PPP3CA: variants seen among roughly 807,000 people sequenced by gnomAD.
PPP3CA encodes protein phosphatase 3 catalytic subunit alpha.
In PPP3CA, 14 loss-of-function variants were observed where a neutral mutation model predicts 66.5. That is an observed-to-expected ratio of 0.21 (90% CI 0.14 to 0.33). The LOEUF is 0.33. PPP3CA is among the 10% of genes least tolerant of loss of function. The pLI is 1.00. For synonymous variants in PPP3CA, 232 were observed against 226.2 expected (o/e 1.03, Z -0.23); for missense variants, 317 against 639.5 (o/e 0.50, Z 5.44).
intron 1 of PPP3CA, among the ~76,000 whole-genome samples, chr4:101,306,226 A>G (rs1728531798): frequency 6.6e-6 from 1 of 152,124 alleles, no homozygotes; most frequent in African/African-American, 2.4e-5. Context: ...ATATGGGGGC[A>G]GCTAATTAGA....
intron 2 of PPP3CA, among the ~76,000 whole-genome samples, chr4:101,123,688 C>T (rs757099701): frequency 6.6e-6 from 1 of 152,008 alleles, no homozygotes; most frequent in East Asian, 1.9e-4. Flanking sequence ...AAAAAACCCC[C>T]CAAAAGATTA....
At chr4:101,115,087 A>G (rs905746127) in intron 2 of PPP3CA, among the ~76,000 whole-genome samples, 4 of 151,994 alleles carry the variant, frequency 2.6e-5, no homozygotes, top group African/African-American at 4.8e-5. Context: ...TTTACTCACT[A>G]TAGATTACAG....
chr4:101,310,412 A>T (rs1028671127), intron 1 of PPP3CA, among the ~76,000 whole-genome samples: 3 of 152,158 alleles, frequency 2.0e-5, no homozygotes, highest in African/African-American at 7.2e-5. Context: ...TTTTAAAAGA[A>T]AAAAGGCCTA....
chr4:101,314,414 A>G (rs1728822248), intron 1 of PPP3CA, among the ~76,000 whole-genome samples: 3 of 151,924 alleles, frequency 2.0e-5, no homozygotes, highest in South Asian at 4.2e-4. Flanking sequence ...ATACAAAAAA[A>G]TTAGCTGGGC....
intron 8 of PPP3CA, among the ~76,000 whole-genome samples, chr4:101,075,850 G>C (rs548304203): frequency 1.3e-5 from 2 of 152,160 alleles, no homozygotes; most frequent in South Asian, 4.1e-4. Flanking sequence ...ATAATCATTG[G>C]TGGAATTATT....
At chr4:101,153,599 C>A (rs1560629624) in intron 2 of PPP3CA, among the ~76,000 whole-genome samples, 1 of 152,192 alleles carries the variant, frequency 6.6e-6, no homozygotes, top group South Asian at 2.1e-4. Context: ...AAAATATCAA[C>A]AAAAAGAGAT....
rs769122648 is a variant in PPP3CA, at chr4:101,029,185, C to T, written c.1350G>A (p.Glu450=). 6.2e-7 allele frequency: 1 copy of T among 1,608,294 alleles called. No homozygotes were observed. The highest frequency in any genetic ancestry group is 8.5e-7 in the Non-Finnish European group (1 of 1,175,162). The change falls in exon 13 of 14, where the codon GAG becomes GAA. Residue 450 remains glutamate, a synonymous_variant. Coordinates refer to ENST00000394854, the MANE Select transcript of PPP3CA (RefSeq NM_000944.5). ...GKQTLQSATV[E]AIEADEAIKG... is the part of the protein sequence containing the mutation. ...ATTTACCTTCATCAGCCTCAATAGC[C>T]TCAACAGTAGCTGAAGAGAAGAAAG...
intron 2 of PPP3CA, among the ~76,000 whole-genome samples, chr4:101,172,735 A>T (rs1448639189): frequency 6.6e-6 from 1 of 152,102 alleles, no homozygotes; most frequent in African/African-American, 2.4e-5. Flanking sequence ...AATCAGGACA[A>T]ATTCTAACTT....
chr4:101,097,329 T>C (rs1372432811), intron 5 of PPP3CA, among the ~76,000 whole-genome samples: 2 of 152,130 alleles, frequency 1.3e-5, no homozygotes, highest in Non-Finnish European at 2.9e-5. Flanking sequence ...TTCTATGGGA[T>C]AAGTACAAGC....
At chr4:101,313,003 A>T (rs1728775217) in intron 1 of PPP3CA, among the ~76,000 whole-genome samples, 1 of 152,064 alleles carries the variant, frequency 6.6e-6, no homozygotes, top group Admixed American at 6.5e-5. Context: ...ACAAAATCTT[A>T]TTTCTTCTTT....
At chr4:101,215,274 G>T (rs1268793121) in intron 1 of PPP3CA, among the ~76,000 whole-genome samples, 1 of 151,938 alleles carries the variant, frequency 6.6e-6, no homozygotes, top group Non-Finnish European at 1.5e-5. Context: ...AATGCAAATT[G>T]CCATGAAATT....
At chr4:101,084,656 A>G (rs889686824) in intron 6 of PPP3CA, among the ~76,000 whole-genome samples, 4 of 152,054 alleles carry the variant, frequency 2.6e-5, no homozygotes, top group African/African-American at 9.7e-5. Context: ...AAAAAAAAAA[A>G]GAAAGATAAC....
At chr4:101,250,883 G>T (rs113591621) in intron 1 of PPP3CA, among the ~76,000 whole-genome samples, 7 of 151,924 alleles carry the variant, frequency 4.6e-5, no homozygotes, top group African/African-American at 1.7e-4. Context: ...ACAAATAAAC[G>T]ATCTCAACTG....
At chr4:101,198,770 A>G (rs780153036) in intron 1 of PPP3CA, among the ~76,000 whole-genome samples, 1 of 152,196 alleles carries the variant, frequency 6.6e-6, no homozygotes, top group Non-Finnish European at 1.5e-5. Flanking sequence ...GATCACTGCA[A>G]TAACAGATGC....
chr4:101,248,433 G>C (rs1301332306), intron 1 of PPP3CA, among the ~76,000 whole-genome samples: 18 of 152,104 alleles, frequency 1.2e-4, no homozygotes, highest in Admixed American at 1.2e-3. Flanking sequence ...TTCAGAGAAA[G>C]TCAGCTACAT....
At chr4:101,077,232 T>A (rs1267510134) in intron 8 of PPP3CA, among the ~76,000 whole-genome samples, 1 of 152,204 alleles carries the variant, frequency 6.6e-6, no homozygotes, top group African/African-American at 2.4e-5. Flanking sequence ...CTATTATTGG[T>A]TTTAAGATGG....
intron 10 of PPP3CA, among the ~76,000 whole-genome samples, chr4:101,053,881 C>A (rs763833512): frequency 6.6e-6 from 1 of 152,026 alleles, no homozygotes; most frequent in Non-Finnish European, 1.5e-5. Context: ...TTGTTCAGAT[C>A]TTGTCACTGC....
At position 101,248,927 on chromosome 4, in the gene PPP3CA, G is replaced by A. The variant is rs571082174; in HGVS notation, c.59-52811C>T. On this transcript the variant is annotated intron_variant, in intron 1 of 13. Coordinates refer to ENST00000394854, the MANE Select transcript of PPP3CA (RefSeq NM_000944.5). ...TGTAATCCCAACACTTTGGGAGGCC[G>A]AGGCGGGTGGATCATGAAGTCAGGA... Among the ~76,000 whole-genome samples the A allele has an allele frequency of 9.9e-5, 15 of 152,130 alleles. No individual in the cohort carries two copies. The East Asian group carries it at 2.3e-3, about 24-fold the overall frequency.
intron 3 of PPP3CA, among the ~76,000 whole-genome samples, chr4:101,106,279 C>T (rs762702359): frequency 1.3e-5 from 2 of 150,878 alleles, no homozygotes; most frequent in Non-Finnish European, 3.0e-5. Context: ...TATGACTGTG[C>T]CACTGCAGAG....
Sources: allele counts gnomAD v4.1 joint callset (sites outside exome capture counted in the v4.1 genomes callset), GRCh38; gene constraint gnomAD v4.1.1; transcripts MANE v1.5; gene names NCBI Gene and HGNC (gene_info 2026-07-23, HGNC 2026-07-21).